Variants in NR3C1 observed in about 807,000 individuals in gnomAD.
The protein encoded by NR3C1 is nuclear receptor subfamily 3 group C member 1.
A neutral mutation model predicts 74.0 loss-of-function variants in NR3C1; 14 were observed. The observed-to-expected ratio is 0.19, with a 90% CI of 0.12 to 0.30. The LOEUF (loss-of-function observed/expected upper bound fraction) is 0.30, where lower values mean the gene tolerates loss of function less well. Ranked by LOEUF, NR3C1 falls within the 10% of genes least tolerant of loss-of-function variation. The pLI is 1.00. For missense variants in NR3C1, 695 were observed against 909.8 expected, an observed-to-expected ratio of 0.76 and a Z score of 3.04; for synonymous variants, 308 against 332.5, an observed-to-expected ratio of 0.93 and a Z score of 0.80.
chr5:143,389,245 T>C (rs991898995), intron 2 of NR3C1, among the ~76,000 whole-genome samples: 1 of 152,194 alleles, frequency 6.6e-6, no homozygotes, highest in African/African-American at 2.4e-5. Context: ...ATATGCCCAG[T>C]GTCTAGCTTG....
chr5:143,315,585 ATTCT>A (rs1381516212), intron 2 of NR3C1, among the ~76,000 whole-genome samples: 2 of 152,168 alleles, frequency 1.3e-5, no homozygotes, highest in African/African-American at 4.8e-5. Context: ...TGTCTCTGTT[ATTCT>A]TTATTATCTC....
In NR3C1 at chr5:143,403,375, C is replaced by T; in HGVS notation, c.-178G>A. 1 of 985,444 alleles carries T rather than the reference C, an allele frequency of 1.0e-6. No homozygotes were observed. 61.0% of individuals were successfully genotyped at this position (985,444 alleles called of 1,614,324 possible). The stretch of plus-strand genomic sequence containing the variant: ...CTTTCTCCATGGGTGGGGGGAGAGC[C>T]CCTATTTAAGAAAGTCTCCCATTGC... On this transcript the variant is annotated 5_prime_UTR_variant, in exon 1 of 9. Transcript: ENST00000394464.
Position 143,279,654 on chromosome 5 carries a change from C to T in NR3C1, c.*2235G>A. 2 of 406,394 alleles carry T rather than the reference C, an allele frequency of 4.9e-6. No individual in the cohort carries two copies. The highest frequency in any genetic ancestry group is 1.0e-4 in the South Asian group (2 of 19,382). The allele number at this position is 406,394 out of a possible 1,614,324, so 25.2% of individuals were successfully genotyped here. A position where few individuals can be genotyped will look rare whatever the true frequency, so the allele number is the denominator to read the frequency against. On this transcript the variant is annotated 3_prime_UTR_variant, in exon 9 of 9. Coordinates refer to ENST00000394464, the MANE Select transcript of NR3C1 (RefSeq NM_000176.3). ...ACATTCAAAAAGCATTCAAAGAAAA[C>T]AAAAACATGTCCTCATTTTATTTGG...
At chr5:143,385,649 A>G (rs1165905447) in intron 2 of NR3C1, among the ~76,000 whole-genome samples, 4 of 152,248 alleles carry the variant, frequency 2.6e-5, no homozygotes, top group African/African-American at 9.6e-5. Context: ...TCTATTTGCT[A>G]AAGCAAAGCA....
chr5:143,369,847 T>C (rs114728434), intron 2 of NR3C1, among the ~76,000 whole-genome samples: 827 of 152,306 alleles, frequency 5.4e-3, no homozygotes, highest in Middle Eastern at 0.034. Flanking sequence ...ATTAATATCA[T>C]TCTGTTCCAA....
intron 7 of NR3C1, among the ~76,000 whole-genome samples, chr5:143,289,814 CAAGTACT>C (rs1463680577): frequency 6.6e-6 from 1 of 152,074 alleles, no homozygotes; most frequent in African/African-American, 2.4e-5. Context: ...CTGACAGTAC[CAAGTACT>C]GAGGAGGATA....
chr5:143,370,232 C>T (rs1005828688), intron 2 of NR3C1, among the ~76,000 whole-genome samples: 8 of 152,124 alleles, frequency 5.3e-5, no homozygotes, highest in African/African-American at 1.9e-4. Flanking sequence ...TTGAGGGATG[C>T]TATCAATGTA....
Position 143,310,206 on chromosome 5 carries a change from G to A in NR3C1, c.1359C>T (p.His453=). 1 of 1,610,908 alleles carries A rather than the reference G, an allele frequency of 6.2e-7. No homozygotes were observed. The highest frequency in any genetic ancestry group is 8.5e-7 in the Non-Finnish European group (1 of 1,177,728). Residue 453 remains histidine (H), a synonymous_variant, in exon 4 of 9, where the codon CAC becomes CAT. Transcript: ENST00000394464. ...VFFKRAVEGQ[H]NYLCAGRNDC... is the part of the protein sequence containing the mutation. ...CATTCCTTCCAGCACATAGGTAATT[G>A]TGCTGTCCTATATGGAATAAAAGGC...
At chr5:143,421,915 G>A (rs13182800) in intron 1 of NR3C1, among the ~76,000 whole-genome samples, 3 of 152,006 alleles carry the variant, frequency 2.0e-5, no homozygotes, top group Non-Finnish European at 2.9e-5. Flanking sequence ...TGATATGGAC[G>A]TGGTGGAAGT....
At chr5:143,403,972 C>T (rs1171273936), upstream of NR3C1, 3 of 984,392 alleles carry the variant, frequency 3.0e-6, no homozygotes, top group Non-Finnish European at 3.6e-6. Flanking sequence ...GCGGCGGCAG[C>T]GGCGGGGGCC....
intron 2 of NR3C1, among the ~76,000 whole-genome samples, chr5:143,345,078 G>A (rs1261931997): frequency 6.6e-6 from 1 of 152,114 alleles, no homozygotes; most frequent in African/African-American, 2.4e-5. Context: ...GAGTGTGAGT[G>A]TGCATTTGAG....
chr5:143,434,878 C>T (rs1203511921), exon 1 of NR3C1: 1 of 985,256 alleles, frequency 1.0e-6, no homozygotes, highest in Non-Finnish European at 1.2e-6. Context: ...GAACAAATAG[C>T]TACCAACGAT....
intron 2 of NR3C1, among the ~76,000 whole-genome samples, chr5:143,346,474 T>C (rs1052818715): frequency 5.9e-5 from 9 of 152,214 alleles, no homozygotes; most frequent in Non-Finnish European, 1.0e-4. Context: ...TAGTTTATGA[T>C]TTTTTCATTT....
At chr5:143,347,416 A>C (rs1829497965) in intron 2 of NR3C1, among the ~76,000 whole-genome samples, 1 of 152,198 alleles carries the variant, frequency 6.6e-6, no homozygotes, top group African/African-American at 2.4e-5. Flanking sequence ...TCTAGGCCTC[A>C]ACTCTAATGT....
intron 2 of NR3C1, among the ~76,000 whole-genome samples, chr5:143,363,477 T>C (rs1832643235): frequency 6.6e-6 from 1 of 151,990 alleles, no homozygotes; most frequent in African/African-American, 2.4e-5. Flanking sequence ...AGACAAAGAC[T>C]TAAAATCATT....
At chr5:143,367,999 G>C (rs750438419) in intron 2 of NR3C1, among the ~76,000 whole-genome samples, 7 of 152,176 alleles carry the variant, frequency 4.6e-5, no homozygotes, top group Non-Finnish European at 8.8e-5. Context: ...TCAAAACTTT[G>C]TACAAAGATG....
At chr5:143,290,491 T>C (rs1815631370) in intron 7 of NR3C1, among the ~76,000 whole-genome samples, 1 of 152,242 alleles carries the variant, frequency 6.6e-6, no homozygotes. Context: ...TTTATTCAGA[T>C]ATAGCTTTTT....
intron 2 of NR3C1, among the ~76,000 whole-genome samples, chr5:143,374,351 G>A (rs1377786002): frequency 6.6e-6 from 1 of 152,094 alleles, no homozygotes; most frequent in East Asian, 1.9e-4. Context: ...AATTAGCCGG[G>A]CGCGGTGGCA....
At chr5:143,344,087 G>GT (rs1347008668) in intron 2 of NR3C1, among the ~76,000 whole-genome samples, 1 of 151,862 alleles carries the variant, frequency 6.6e-6, no homozygotes, top group Non-Finnish European at 1.5e-5. Context: ...GCACCTTTAA[G>GT]TTATTTAACT....
Sources: allele counts gnomAD v4.1 joint callset (sites outside exome capture counted in the v4.1 genomes callset), GRCh38; gene constraint gnomAD v4.1.1; transcripts MANE v1.5; gene names NCBI Gene and HGNC (gene_info 2026-07-23, HGNC 2026-07-21).